The following ADAM22 variants were observed in gnomAD, a reference collection of about 807,000 sequenced individuals.
The protein encoded by ADAM22 is ADAM metallopeptidase domain 22, also known as disintegrin and metalloproteinase domain-containing protein 22.
Under a neutral mutation model 144.6 loss-of-function variants are expected in ADAM22, and 65 were observed. That is an observed-to-expected ratio of 0.45 (90% CI 0.37 to 0.55). ADAM22 has a LOEUF of 0.55. Among genes scored for constraint, ADAM22 ranks in the 20% least tolerant of loss-of-function variants. The probability of loss-of-function intolerance (pLI) is 0.00; values close to 1 mark genes in which losing one functional copy is unlikely to be tolerated. For missense variants in ADAM22, 974 were observed against 1,184.9 expected (o/e 0.82, Z 2.61); for synonymous variants, 391 against 412.6 (o/e 0.95, Z 0.63).
At chr7:87,934,729 G>T (rs1455075203) in intron 1 of ADAM22, 179 bp downstream of exon 1, 2 of 661,496 alleles carry the variant, frequency 3.0e-6, no homozygotes, top group South Asian at 2.0e-5. Flanking sequence ...GTGTGGAGGC[G>T]CGCAGATGCA....
rs1840649174 is a variant in ADAM22 at position 87,934,344 on chromosome 7, C to G, written c.-122C>G. ...TTGCAGCGCCACGGCCGCCGCAGCA[C>G]CGGCCGGGGCTGGGTGGAGGTGGCC... On this transcript the variant is annotated 5_prime_UTR_variant, in exon 1 of 32. Transcript: ENST00000413139. 4.6e-6 allele frequency: 4 copies of G among 866,810 alleles called. No homozygotes were observed. The Admixed American group carries it at 1.2e-4, about 27-fold the overall frequency. The allele number at this position is 866,810 out of a possible 1,614,324, so 53.7% of individuals were successfully genotyped here.
At chr7:88,194,979 G>A (rs1850372636) in intron 31 of ADAM22, among the ~76,000 whole-genome samples, 1 of 152,208 alleles carries the variant, frequency 6.6e-6, no homozygotes, top group African/African-American at 2.4e-5. Flanking sequence ...TGTGGAGTAG[G>A]CAGACATGGG....
chr7:88,172,351 A>AAAAATATT (rs1844541024), intron 26 of ADAM22, among the ~76,000 whole-genome samples: 1 of 151,958 alleles, frequency 6.6e-6, no homozygotes, highest in African/African-American at 2.4e-5. Context: ...GCTATTGATA[A>AAAAATATT]AAAATATTAA....
At chr7:88,094,342 T>C (rs1047468131) in intron 4 of ADAM22, among the ~76,000 whole-genome samples, 27 of 152,204 alleles carry the variant, frequency 1.8e-4, no homozygotes, top group African/African-American at 6.5e-4. Context: ...GTGAATGAAA[T>C]GGGAGCAGAA....
In ADAM22 at chr7:88,179,057, C is replaced by G; in HGVS notation, c.2423C>G (p.Ser808Trp). 3 of 1,594,298 alleles carry G rather than the reference C, an allele frequency of 1.9e-6. No homozygotes were observed. Among genetic ancestry groups the G allele is most frequent in the Non-Finnish European group, 2.6e-6 (3 of 1,162,282 alleles). Residue 808 changes from serine to tryptophan, a missense_variant, in exon 27 of 32, where the codon TCG becomes TGG. Ser to Trp is a radical substitution (Grantham distance 177). Transcript: ENST00000413139. ...SSSKKRSAFL[S>W]HFQISTCSIT... ...TCTAAGAAGAGGTCTGCTTTTCTGT[C>G]GCATTTTCAGATTTCTACCTGTTCC... is the stretch of plus-strand genomic sequence containing the variant.
intron 29 of ADAM22, among the ~76,000 whole-genome samples, chr7:88,182,776 A>G (rs1337418991): frequency 2.0e-5 from 3 of 152,172 alleles, no homozygotes; most frequent in East Asian, 1.9e-4. Context: ...ATCTCCCTTC[A>G]TGGAATAAAA....
At chr7:88,136,103 A>G (rs1050739603) in intron 14 of ADAM22, 72 bp downstream of exon 14, 1 of 1,366,088 alleles carries the variant, frequency 7.3e-7, no homozygotes, top group Non-Finnish European at 1.0e-6. Flanking sequence ...TAGGAATATG[A>G]CACTCAATAA....
intron 15 of ADAM22, 35 bp from the exon 16 acceptor site, chr7:88,145,090 C>T (rs748445187): frequency 2.6e-5 from 42 of 1,597,192 alleles, no homozygotes; most frequent in Admixed American, 5.2e-5. Flanking sequence ...GTTGATTTTT[C>T]TATATTTTAG....
chr7:88,063,335 G>A (rs760058225), intron 3 of ADAM22, among the ~76,000 whole-genome samples: 5 of 152,100 alleles, frequency 3.3e-5, no homozygotes, highest in East Asian at 1.9e-4. Context: ...AGCAGTAGAC[G>A]TTTGAATACT....
chr7:87,991,674 A>G lies in ADAM22; in HGVS notation c.323+13262A>G, dbSNP rs1402092812. Among the ~76,000 whole-genome samples the G allele has an allele frequency of 2.0e-5, 3 of 152,294 alleles. No individual in the cohort carries two copies. In the East Asian group the frequency reaches 5.8e-4, roughly 29 times the overall value. ...AGCCACCGCGCCCGGCACTAGCCTT[A>G]TTTTTAATCAAGTATTGAACCAACA... On this transcript the variant is annotated intron_variant, in intron 3 of 31. Coordinates refer to ENST00000413139, the MANE Select transcript of ADAM22 (RefSeq NM_001324418.2).
At chr7:87,941,034 G>C (rs1053158003) in intron 2 of ADAM22, among the ~76,000 whole-genome samples, 3 of 151,822 alleles carry the variant, frequency 2.0e-5, no homozygotes, top group Non-Finnish European at 2.9e-5. Context: ...GTTATTTTGT[G>C]GTTTATTTTG....
intron 3 of ADAM22, among the ~76,000 whole-genome samples, chr7:88,004,857 A>C (rs576150599): frequency 9.3e-4 from 142 of 152,320 alleles, no homozygotes; most frequent in African/African-American, 3.1e-3. Context: ...CTTCTGAAGA[A>C]AATGACATTT....
chr7:88,186,456 T>G (rs981595840), intron 29 of ADAM22, 159 bp from the exon 30 acceptor site: 9 of 672,084 alleles, frequency 1.3e-5, no homozygotes, highest in Non-Finnish European at 2.4e-5. Context: ...CTCATGTCAT[T>G]GTATAGACTG....
In ADAM22 at chr7:88,170,151, T is replaced by C. The variant is rs559543504; in HGVS notation, c.2283-1393T>C. Reference sequence around the variant, plus strand: ...TAAGATCCACTTAGCTGGAAACTCATTTAAGTTGATTTTAGCTTAAGGAAA... The same window carrying C: ...TAAGATCCACTTAGCTGGAAACTCACTTAAGTTGATTTTAGCTTAAGGAAA... On this transcript the variant is annotated intron_variant, in intron 25 of 31. Coordinates refer to ENST00000413139, the MANE Select transcript of ADAM22 (RefSeq NM_001324418.2). 2.6e-5 allele frequency among the ~76,000 whole-genome samples: 4 copies of C among 152,172 alleles called. No individual in the cohort carries two copies. In the East Asian group the frequency reaches 5.8e-4, roughly 22 times the overall value.
rs1329115391 is a variant in ADAM22 at position 88,193,136 on chromosome 7, C to G, written c.2771C>G (p.Ser924Cys). ...CTCAGGACTTTATCTCCTGCCAAGT[C>G]TCCTTCTTCATCAACTGGGTCTATT... ...PYFRTLSPAK[S>C]PSSSTGSIAS... Residue 924 changes from serine (S) to cysteine (C), a missense_variant, in exon 31 of 32, where the codon TCT becomes TGT. Ser to Cys is a moderately radical substitution (Grantham distance 112). Around this residue, in one of 2 missense-constraint regions of ADAM22, gnomAD observed 734 missense variants for 950.6 expected, o/e 0.77. Coordinates refer to ENST00000413139, the MANE Select transcript of ADAM22 (RefSeq NM_001324418.2). 6.2e-7 allele frequency: 1 copy of G among 1,613,944 alleles called. No homozygotes were observed. Among genetic ancestry groups the G allele is most frequent in the African/African-American group, 1.3e-5 (1 of 74,918 alleles).
At chr7:87,934,788 G>T in intron 1 of ADAM22, 1 of 666,886 alleles carries the variant, frequency 1.5e-6, no homozygotes. Context: ...AAGAGGAATG[G>T]GGAGAATGGG....
chr7:88,034,567 GC>G (rs1801054062), intron 3 of ADAM22, among the ~76,000 whole-genome samples: 1 of 152,130 alleles, frequency 6.6e-6, no homozygotes, highest in African/African-American at 2.4e-5. Flanking sequence ...TAACTTGAGT[GC>G]CCCCAAGTCC....
At position 88,106,699 on chromosome 7, in the gene ADAM22, G is replaced by A. The variant is rs540533263; in HGVS notation, c.391-1477G>A. Among the ~76,000 whole-genome samples the A allele has an allele frequency of 1.7e-4, 26 of 152,208 alleles. No individual in the cohort carries two copies. In the South Asian group the frequency reaches 3.9e-3, roughly 23 times the overall value. ...GAGGTCATTTAGAGAAGAGCTTCTCGAACTTTAATGTGCATATGAATCATC... is the reference window on the plus strand; with the variant it reads ...GAGGTCATTTAGAGAAGAGCTTCTCAAACTTTAATGTGCATATGAATCATC... On this transcript the variant is annotated intron_variant, in intron 4 of 31. Transcript: ENST00000413139.
chr7:87,956,325 G>T (rs567876774), intron 2 of ADAM22, among the ~76,000 whole-genome samples: 4 of 152,282 alleles, frequency 2.6e-5, no homozygotes, highest in African/African-American at 9.6e-5. Context: ...ACTTGTGGTG[G>T]AGAGGAGACC....
Sources: allele counts gnomAD v4.1 joint callset (sites outside exome capture counted in the v4.1 genomes callset), GRCh38; gene constraint gnomAD v4.1.1; regional missense constraint gnomAD v4.1.1; transcripts MANE v1.5; gene names NCBI Gene and HGNC (gene_info 2026-07-23, HGNC 2026-07-21).